Variants in TPH2 observed in about 807,000 individuals in gnomAD.
TPH2 encodes tryptophan 5-hydroxylase 2.
Under a neutral mutation model 59.1 loss-of-function variants are expected in TPH2, and 27 were observed. That is an observed-to-expected ratio of 0.46 (90% CI 0.34 to 0.63). The LOEUF is 0.63. TPH2 is among the 30% of genes least tolerant of loss of function. TPH2 has a pLI of 0.01. For missense variants in TPH2, 523 were observed against 588.3 expected (o/e 0.89, Z 1.15); for synonymous variants, 220 against 210.5 (o/e 1.05, Z -0.39).
At chr12:71,962,641 A>G (rs867925098) in intron 5 of TPH2, 2 of 985,146 alleles carry the variant, frequency 2.0e-6, no homozygotes, top group East Asian at 1.1e-4. Context: ...AGGCATAACT[A>G]TTTTTTCCCT....
chr12:71,949,445 C>G, intron 4 of TPH2, 143 bp from the exon 5 acceptor site: 3 of 670,372 alleles, frequency 4.5e-6, no homozygotes, highest in Non-Finnish European at 2.7e-6. Flanking sequence ...CAATTTGTTT[C>G]TGTCTGTGTC....
chr12:71,999,458 C>T (rs961976860), intron 8 of TPH2, among the ~76,000 whole-genome samples: 4 of 152,120 alleles, frequency 2.6e-5, no homozygotes, highest in African/African-American at 4.8e-5. Flanking sequence ...CATAGCTGTC[C>T]GAGGTCTGTG....
At chr12:71,983,181 A>G (rs1872332840) in intron 7 of TPH2, among the ~76,000 whole-genome samples, 1 of 152,128 alleles carries the variant, frequency 6.6e-6, no homozygotes. Context: ...TCCTGGTGGG[A>G]GGAGTTGCTT....
At chr12:72,013,126 T>G (rs901247294) in intron 8 of TPH2, among the ~76,000 whole-genome samples, 12 of 152,216 alleles carry the variant, frequency 7.9e-5, no homozygotes, top group Admixed American at 5.9e-4. Flanking sequence ...GATGTCCCTC[T>G]TATATTTGAT....
chr12:72,024,041 C>G (rs11830135), intron 9 of TPH2, among the ~76,000 whole-genome samples: 3,151 of 152,214 alleles, frequency 0.021, 128 homozygotes, highest in African/African-American at 0.072. Context: ...CAAATCCCAG[C>G]CATCTAGGCT....
rs147072247 is a variant in TPH2 at position 71,960,817 on chromosome 12, G to A, written c.608+11162G>A. Among the ~76,000 whole-genome samples, 188 of 152,286 alleles carry A rather than the reference G, an allele frequency of 1.2e-3. 2 individuals carry two copies. The highest frequency in any genetic ancestry group is 4.1e-3 in the African/African-American group (172 of 41,560). On this transcript the variant is annotated intron_variant, in intron 5 of 10. Transcript: ENST00000333850. ...TGATTTTCATGAACATGAAGGATTC[G>A]AATTACTTCCACAAGTCCTGCTTGA...
intron 5 of TPH2, chr12:71,962,039 G>A (rs1028699996): frequency 5.8e-6 from 6 of 1,028,996 alleles, no homozygotes; most frequent in Non-Finnish European, 7.0e-6. Flanking sequence ...ATATGTGATC[G>A]CAAATGCTCT....
chr12:72,016,860 A>G (rs1873268145), intron 8 of TPH2, among the ~76,000 whole-genome samples: 2 of 152,144 alleles, frequency 1.3e-5, no homozygotes. Flanking sequence ...AGAAGTTTAT[A>G]TGTATCATTT....
intron 7 of TPH2, among the ~76,000 whole-genome samples, chr12:71,979,860 G>A (rs10748188): frequency 0.58 from 88,035 of 152,040 alleles, 25,715 homozygotes; most frequent in Middle Eastern, 0.61. Context: ...TATGTAACAA[G>A]CATTTACTGG....
At chr12:71,975,729 G>A (rs999642578) in intron 6 of TPH2, among the ~76,000 whole-genome samples, 1 of 152,164 alleles carries the variant, frequency 6.6e-6, no homozygotes, top group Non-Finnish European at 1.5e-5. Flanking sequence ...TTCATTCTAT[G>A]TTATGTGTGA....
Position 71,972,669 on chromosome 12 carries a change from A to C in TPH2, c.759A>C (p.Arg253Ser), listed in dbSNP as rs1355045873. 2 of 1,614,168 alleles carry C rather than the reference A, an allele frequency of 1.2e-6. No homozygotes were observed. Among genetic ancestry groups the C allele is most frequent in the Non-Finnish European group, 1.7e-6 (2 of 1,180,024 alleles). The change falls in exon 6 of 11, where the codon AGA becomes AGC. Residue 253 changes from arginine (R) to serine (S), a missense_variant. Arg to Ser is a moderately radical substitution (Grantham distance 110, BLOSUM62 -1). Transcript: ENST00000333850. ...FPLLTKYCGY[R>S]EDNVPQLEDV... ...TGCTGACTAAATACTGTGGCTACAG[A>C]GAGGACAATGTGCCTCAACTCGAAG... is the stretch of plus-strand genomic sequence containing the variant.
chr12:71,950,212 T>C (rs1871306938), intron 5 of TPH2, among the ~76,000 whole-genome samples: 1 of 152,180 alleles, frequency 6.6e-6, no homozygotes, highest in South Asian at 2.1e-4. Context: ...CTGTGCATAG[T>C]ACATGATGCT....
rs1041477607 is a variant in TPH2 at position 72,032,010 on chromosome 12, C to T, written c.*315C>T. On this transcript the variant is annotated 3_prime_UTR_variant, in exon 11 of 11. Coordinates refer to ENST00000333850, the MANE Select transcript of TPH2 (RefSeq NM_173353.4). ...TAACAAATAGCCCTCTTATGAGTCTCATTTATGCCCTTTTCTTTTTCAGAT... is the reference window on the plus strand; with the variant it reads ...TAACAAATAGCCCTCTTATGAGTCTTATTTATGCCCTTTTCTTTTTCAGAT... 8.4e-6 allele frequency: 3 copies of T among 357,150 alleles called. No homozygotes were observed. The highest frequency in any genetic ancestry group is 5.3e-6 in the Non-Finnish European group (1 of 187,990). The allele number at this position is 357,150 out of a possible 1,614,324, so 22.1% of individuals were successfully genotyped here.
intron 5 of TPH2, chr12:71,961,929 A>G (rs1440618341): frequency 9.4e-7 from 1 of 1,062,322 alleles, no homozygotes; most frequent in Non-Finnish European, 1.1e-6. Context: ...AACAAAACAA[A>G]CTAATGTTTT....
intron 8 of TPH2, among the ~76,000 whole-genome samples, chr12:71,995,254 C>A (rs1872666467): frequency 6.6e-6 from 1 of 152,020 alleles, no homozygotes; most frequent in Admixed American, 6.5e-5. Context: ...CTTTAAGATG[C>A]TGAAGGGCCA....
At chr12:71,943,956 A>T (rs1433380160) in intron 2 of TPH2, among the ~76,000 whole-genome samples, 1 of 152,144 alleles carries the variant, frequency 6.6e-6, no homozygotes, top group Non-Finnish European at 1.5e-5. Context: ...AATATAATAA[A>T]TAATTTTTTC....
intron 6 of TPH2, 105 bp downstream of exon 6, chr12:71,972,820 AT>A: frequency 7.9e-7 from 1 of 1,259,966 alleles, no homozygotes; most frequent in Non-Finnish European, 1.1e-6. Context: ...AAAAACAGTG[AT>A]TTAAAAAATT....
At chr12:71,942,214 T>C (rs1211719701) in intron 2 of TPH2, among the ~76,000 whole-genome samples, 5 of 152,214 alleles carry the variant, frequency 3.3e-5, no homozygotes, top group African/African-American at 1.2e-4. Context: ...TTTGCGAAGA[T>C]GAGTCACTCT....
At chr12:71,961,596 C>A in intron 5 of TPH2, 1 of 1,352,114 alleles carries the variant, frequency 7.4e-7, no homozygotes, top group Non-Finnish European at 9.8e-7. Flanking sequence ...GGAATTTCAG[C>A]TCTTTTCTGT....
Sources: gnomAD v4.1 joint callset for allele counts (sites outside exome capture counted in the v4.1 genomes callset) on GRCh38, gnomAD v4.1.1 for gene constraint, MANE v1.5 for transcripts, NCBI Gene and HGNC (gene_info 2026-07-23, HGNC 2026-07-21) for gene names.